The following AMMECR1L variants were observed in gnomAD, a reference collection of about 807,000 sequenced individuals.
AMMECR1L encodes AMMECR1-like protein.
A neutral mutation model predicts 36.8 loss-of-function variants in AMMECR1L; 4 were observed. The observed-to-expected ratio is 0.11, with a 90% confidence interval of 0.05 to 0.25. The LOEUF (loss-of-function observed/expected upper bound fraction) is 0.25. Among genes scored for constraint, AMMECR1L ranks in the 10% least tolerant of loss-of-function variants. The pLI is 1.00. For missense variants in AMMECR1L, 232 were observed against 392.1 expected, an observed-to-expected ratio of 0.59 and a Z score of 3.45; for synonymous variants, 147 against 148.0, an observed-to-expected ratio of 0.99 and a Z score of 0.05.
At chr2:127,883,429 G>T (rs565370837) in intron 2 of AMMECR1L, among the ~76,000 whole-genome samples, 1 of 152,228 alleles carries the variant, frequency 6.6e-6, no homozygotes, top group African/African-American at 2.4e-5. Context: ...TTAGCTTAAA[G>T]AAAAACATGT....
At position 127,865,041 on chromosome 2, in the gene AMMECR1L, T is replaced by C; in HGVS notation, c.*53A>G. 8.1e-7 allele frequency: 1 copy of C among 1,231,596 alleles called. No individual in the cohort carries two copies. The highest frequency in any genetic ancestry group is 1.8e-5 in the Admixed American group (1 of 56,972). The allele number at this position is 1,231,596 out of a possible 1,614,324, so 76.3% of individuals were successfully genotyped here. A position where few individuals can be genotyped will look rare whatever the true frequency, so the allele number is the denominator to read the frequency against. On this transcript the variant is annotated 3_prime_UTR_variant, in exon 8 of 8. Coordinates refer to ENST00000272647, the MANE Select transcript of AMMECR1L (RefSeq NM_001199140.2). The surrounding 1 kb of genome is among the most constrained non-coding windows in gnomAD (Gnocchi z 5.4). ...GAAGAGGAGGCATCTGCTCCAATGA[T>C]GTCATAGCCATTGGTGGCCACGGGG... is the stretch of plus-strand genomic sequence containing the variant.
chr2:127,879,681 G>A lies in AMMECR1L; in HGVS notation c.-39+4522C>T, dbSNP rs72965762. ...TCATCGAAATTTTCTCTTTAGGTTC[G>A]AGATTCTCTAGTCCTATTCCAACAA... On this transcript the variant is annotated intron_variant, in intron 2 of 7. Transcript: ENST00000272647. Among the ~76,000 whole-genome samples, 1,299 of 152,260 alleles carry A rather than the reference G, an allele frequency of 8.5e-3. 14 individuals are homozygous for A. Among genetic ancestry groups the A allele is most frequent in the African/African-American group, 0.029 (1,187 of 41,536 alleles).
intron 6 of AMMECR1L, among the ~76,000 whole-genome samples, chr2:127,868,913 C>T (rs1297639618): frequency 2.6e-5 from 4 of 151,974 alleles, no homozygotes; most frequent in Non-Finnish European, 5.9e-5. Flanking sequence ...TTAGTAGAGA[C>T]GGGGTTTCAC....
At chr2:127,885,589 G>A (rs1691735618) in intron 1 of AMMECR1L, 2 of 937,788 alleles carry the variant, frequency 2.1e-6, no homozygotes, top group Non-Finnish European at 2.5e-6. Context: ...AGTGCCTCCC[G>A]ACCCCCTGCC....
chr2:127,872,365 C>G (rs1691019313), intron 3 of AMMECR1L, among the ~76,000 whole-genome samples: 1 of 151,992 alleles, frequency 6.6e-6, no homozygotes, highest in Non-Finnish European at 1.5e-5. Context: ...TTTTTATTAG[C>G]TGAGTTGCCA....
Position 127,873,023 on chromosome 2 carries a change from A to G in AMMECR1L, c.407+805T>C. The G allele has an allele frequency of 2.0e-6, 2 of 985,332 alleles. No homozygotes were observed. The highest frequency in any genetic ancestry group is 2.4e-6 in the Non-Finnish European group (2 of 829,916). 61.0% of individuals were successfully genotyped at this position (985,332 alleles called of 1,614,324 possible). ...CCAAGGGAAGAGGCTCCTTTTCTTC[A>G]CACCCTCTCCATGCCCCAGCCAAGG... On this transcript the variant is annotated intron_variant, in intron 3 of 7. Transcript: ENST00000272647. This position sits in a 1 kb window ranked among gnomAD's most constrained non-coding sequence, Gnocchi z 5.2.
intron 3 of AMMECR1L, chr2:127,872,878 G>T: frequency 1.8e-5 from 10 of 567,502 alleles, no homozygotes; most frequent in Non-Finnish European, 2.2e-5. Flanking sequence ...TTACCCCAGG[G>T]TGACGGTTCC....
Position 127,874,285 on chromosome 2 carries a change from A to G in AMMECR1L, c.-38-13T>C. 1 of 1,589,158 alleles carries G rather than the reference A, an allele frequency of 6.3e-7. No homozygotes were observed. ...ATGCTGCAGAACCCTAACCAAAATG[A>G]GAAGTTAAGCATTAATTTGACTGGT... On this transcript the variant is annotated splice_polypyrimidine_tract_variant and intron_variant, in intron 2 of 7. Transcript: ENST00000272647. This position sits in a 1 kb window ranked among gnomAD's most constrained non-coding sequence, Gnocchi z 5.2.
intron 2 of AMMECR1L, among the ~76,000 whole-genome samples, chr2:127,882,322 T>C (rs1691538491): frequency 6.6e-6 from 1 of 152,206 alleles, no homozygotes; most frequent in Non-Finnish European, 1.5e-5. Flanking sequence ...AAATCAAGCT[T>C]TTCACAGAAG....
chr2:127,866,477 G>T (rs1431413871), intron 7 of AMMECR1L, among the ~76,000 whole-genome samples: 1 of 152,182 alleles, frequency 6.6e-6, no homozygotes. Flanking sequence ...CCACAAATGA[G>T]AGGCATTTCC....
At chr2:127,867,203 G>A (rs141512920) in intron 6 of AMMECR1L, 281 of 985,426 alleles carry the variant, frequency 2.9e-4, no homozygotes, top group Admixed American at 4.3e-4. Flanking sequence ...ATGATAGCCC[G>A]ACACATGCCA....
At chr2:127,877,663 T>C (rs1691312221) in intron 2 of AMMECR1L, among the ~76,000 whole-genome samples, 1 of 152,196 alleles carries the variant, frequency 6.6e-6, no homozygotes, top group Non-Finnish European at 1.5e-5. Context: ...TCACAATCTA[T>C]GTATCAGGCT....
rs1333280035 is a variant in AMMECR1L at position 127,874,502 on chromosome 2, A to G, written c.-38-230T>C. Reference sequence around the variant, plus strand: ...CTACCATGGATGGAGGCAGGCACCAAGCAGCTCCCTGTTCCCCAAGAGTCC... The same window carrying G: ...CTACCATGGATGGAGGCAGGCACCAGGCAGCTCCCTGTTCCCCAAGAGTCC... On this transcript the variant is annotated intron_variant, in intron 2 of 7. Transcript: ENST00000272647. The surrounding 1 kb of genome is among the most constrained non-coding windows in gnomAD (Gnocchi z 5.2). Among the ~76,000 whole-genome samples, 1 of 152,164 alleles carries G rather than the reference A, an allele frequency of 6.6e-6. No homozygotes were observed. The highest frequency in any genetic ancestry group is 1.5e-5 in the Non-Finnish European group (1 of 68,028).
Position 127,871,124 on chromosome 2 carries a change from C to A in AMMECR1L, c.518+125G>T. The A allele has an allele frequency of 9.1e-7, 1 of 1,093,026 alleles. No homozygotes were observed. Among genetic ancestry groups the A allele is most frequent in the Non-Finnish European group, 1.3e-6 (1 of 757,012 alleles). 67.7% of individuals were successfully genotyped at this position (1,093,026 alleles called of 1,614,324 possible). The stretch of plus-strand genomic sequence containing the variant: ...TGATAACTGACTCACCAGATTAAGC[C>A]CCTTACATTTCCTGATTACCAAAAA... On this transcript the variant is annotated intron_variant, in intron 4 of 7. Coordinates refer to ENST00000272647, the MANE Select transcript of AMMECR1L (RefSeq NM_001199140.2). This position sits in a 1 kb window ranked among gnomAD's most constrained non-coding sequence, Gnocchi z 4.3.
rs1035454017 is a variant in AMMECR1L at position 127,862,829 on chromosome 2, T to C, written c.*2265A>G. 5 of 152,300 alleles carry C rather than the reference T, an allele frequency of 3.3e-5. No individual in the cohort carries two copies. The highest frequency in any genetic ancestry group is 1.2e-4 in the African/African-American group (5 of 41,396). The allele number at this position is 152,300 out of a possible 1,614,324, so 9.4% of individuals were successfully genotyped here. On this transcript the variant is annotated 3_prime_UTR_variant, in exon 8 of 8. Coordinates refer to ENST00000272647, the MANE Select transcript of AMMECR1L (RefSeq NM_001199140.2). Reference sequence around the variant, plus strand: ...TTTCTCGGGTTTTAAAATTTTCTATTCATTTTCTTAAATGGCAGGTATCGT... The same window carrying C: ...TTTCTCGGGTTTTAAAATTTTCTATCCATTTTCTTAAATGGCAGGTATCGT...
At chr2:127,866,116 A>G (rs964974275) in intron 7 of AMMECR1L, among the ~76,000 whole-genome samples, 1 of 152,224 alleles carries the variant, frequency 6.6e-6, no homozygotes, top group Non-Finnish European at 1.5e-5. Context: ...TGAGATTAGT[A>G]TATGATTATT....
chr2:127,873,127 C>A lies in AMMECR1L; in HGVS notation c.407+701G>T. 3.0e-6 allele frequency: 3 copies of A among 985,298 alleles called. No individual in the cohort carries two copies. Among genetic ancestry groups the A allele is most frequent in the Non-Finnish European group, 3.6e-6 (3 of 829,906 alleles). 61.0% of individuals were successfully genotyped at this position (985,298 alleles called of 1,614,324 possible). On this transcript the variant is annotated intron_variant, in intron 3 of 7. Transcript: ENST00000272647. The surrounding 1 kb of genome is among the most constrained non-coding windows in gnomAD (Gnocchi z 5.2). ...AATGAACACTCCAAAAGCATACCCCCAAAACAAAAATAAAAAAACAGCAAT... is the reference window on the plus strand; with the variant it reads ...AATGAACACTCCAAAAGCATACCCCAAAAACAAAAATAAAAAAACAGCAAT...
Position 127,873,414 on chromosome 2 carries a change from T to A in AMMECR1L, c.407+414A>T. On this transcript the variant is annotated intron_variant, in intron 3 of 7. Transcript: ENST00000272647. This position sits in a 1 kb window ranked among gnomAD's most constrained non-coding sequence, Gnocchi z 5.2. ...GGACCCCTGTTAACCAAATCGCAGA[T>A]CCCAGTGAATGAGAGCTCCTAGTCT... The A allele has an allele frequency of 1.0e-6, 1 of 985,392 alleles. No individual in the cohort carries two copies. The highest frequency in any genetic ancestry group is 1.2e-6 in the Non-Finnish European group (1 of 829,936). 61.0% of individuals were successfully genotyped at this position (985,392 alleles called of 1,614,324 possible). A position where few individuals can be genotyped will look rare whatever the true frequency, so the allele number is the denominator to read the frequency against.
Position 127,871,001 on chromosome 2 carries a change from C to A in AMMECR1L, c.519-73G>T. ...CCAATATCAGGTGCCATAGAGCCCA[C>A]ATATTTATGAATCTTGAGCTATGCA... On this transcript the variant is annotated intron_variant, in intron 4 of 7. Transcript: ENST00000272647. This position sits in a 1 kb window ranked among gnomAD's most constrained non-coding sequence, Gnocchi z 4.3. 8.5e-7 allele frequency: 1 copy of A among 1,173,500 alleles called. No homozygotes were observed. The highest frequency in any genetic ancestry group is 1.5e-5 in the South Asian group (1 of 68,936). 72.7% of individuals were successfully genotyped at this position (1,173,500 alleles called of 1,614,324 possible).
Sources: allele counts gnomAD v4.1 joint callset (sites outside exome capture counted in the v4.1 genomes callset), GRCh38; gene constraint gnomAD v4.1.1; non-coding constraint Gnocchi (gnomAD v3.1); transcripts MANE v1.5; gene names NCBI Gene and HGNC (gene_info 2026-07-23, HGNC 2026-07-21).